The following PIK3CG variants were observed in gnomAD, a reference collection of about 807,000 sequenced individuals.
The protein encoded by PIK3CG is phosphatidylinositol 4,5-bisphosphate 3-kinase catalytic subunit gamma isoform.
Under a neutral mutation model 102.3 loss-of-function variants are expected in PIK3CG, and 55 were observed. That is an observed-to-expected ratio of 0.54 (90% confidence interval 0.43 to 0.67). The LOEUF is 0.67. Ranked by LOEUF, PIK3CG falls within the 30% of genes least tolerant of loss-of-function variation. The pLI is 0.00. For synonymous variants in PIK3CG, 552 were observed against 540.0 expected (o/e 1.02, Z -0.31); for missense variants, 1,258 against 1,391.8 (o/e 0.90, Z 1.53).
Position 106,867,437 on chromosome 7 carries a change from T to C in PIK3CG, c.-12-113T>C, listed in dbSNP as rs754927222. The C allele has an allele frequency of 3.0e-5, 29 of 955,898 alleles. No individual in the cohort carries two copies. Among genetic ancestry groups the C allele is most frequent in the Non-Finnish European group, 4.3e-5 (27 of 631,044 alleles). 59.2% of individuals were successfully genotyped at this position (955,898 alleles called of 1,614,324 possible). ...TCCAGTTTAAAATACTTGGTCCCTC[T>C]GGGTCCCTGTGCACATGTACGCCGC... On this transcript the variant is annotated intron_variant, in intron 1 of 10. Coordinates refer to ENST00000496166, the MANE Select transcript of PIK3CG (RefSeq NM_001282426.2). The surrounding 1 kb of genome is among the most constrained non-coding windows in gnomAD (Gnocchi z 5.1).
At position 106,894,726 on chromosome 7, in the gene PIK3CG, G is replaced by T. The variant is rs1460413438; in HGVS notation, c.3030+8434G>T. 6.6e-6 allele frequency among the ~76,000 whole-genome samples: 1 copy of T among 152,196 alleles called. No individual in the cohort carries two copies. The highest frequency in any genetic ancestry group is 6.5e-5 in the Admixed American group (1 of 15,280). On this transcript the variant is annotated intron_variant, in intron 10 of 10. Coordinates refer to ENST00000496166, the MANE Select transcript of PIK3CG (RefSeq NM_001282426.2). This position sits in a 1 kb window ranked among gnomAD's most constrained non-coding sequence, Gnocchi z 4.4. ...TACTATTTAGGAAAAGTAAGTGGAG[G>T]TTCCACTTCATTTCTAGATGAAAAT...
rs1791250611 is a variant in PIK3CG at position 106,891,060 on chromosome 7, C to A, written c.3030+4768C>A. Among the ~76,000 whole-genome samples, 1 of 152,220 alleles carries A rather than the reference C, an allele frequency of 6.6e-6. No homozygotes were observed. Among genetic ancestry groups the A allele is most frequent in the Non-Finnish European group, 1.5e-5 (1 of 68,042 alleles). On this transcript the variant is annotated intron_variant, in intron 10 of 10. Transcript: ENST00000496166. This position sits in a 1 kb window ranked among gnomAD's most constrained non-coding sequence, Gnocchi z 4.4. ...TGTACTGGTTTTCTGTTTGTCTTTC[C>A]CTATCCCAACTGTGAGCTCTGTGCA... is the stretch of plus-strand genomic sequence containing the variant.
Position 106,868,117 on chromosome 7 carries a change from G to A in PIK3CG, c.556G>A (p.Ala186Thr), listed in dbSNP as rs1415434072. 4.3e-6 allele frequency: 7 copies of A among 1,612,388 alleles called. No individual in the cohort carries two copies. The highest frequency in any genetic ancestry group is 1.3e-5 in the African/African-American group (1 of 74,666). ...TRRGLVTPRM[A>T]EVASRDPKLY... ...CCGTGGCTTGGTGACCCCGCGCATG[G>A]CGGAGGTGGCCAGCCGCGACCCCAA... The change falls in exon 2 of 11, where the codon GCG becomes ACG. Residue 186 changes from alanine (A) to threonine (T), a missense_variant. By Grantham distance (58) the Ala-to-Thr change is moderately conservative. Transcript: ENST00000496166. The surrounding 1 kb of genome is among the most constrained non-coding windows in gnomAD (Gnocchi z 6.2).
chr7:106,866,700 T>A (rs1790297130), intron 1 of PIK3CG, among the ~76,000 whole-genome samples: 1 of 152,386 alleles, frequency 6.6e-6, no homozygotes, highest in South Asian at 2.1e-4. Flanking sequence ...TCTTCTAAGA[T>A]ACTGCCCTAA....
In PIK3CG at chr7:106,883,128, C is replaced by G. The variant is rs1445560689; in HGVS notation, c.2725C>G (p.His909Asp). Residue 909 changes from histidine to aspartate, a missense_variant, in exon 8 of 11, where the codon CAC (histidine) becomes GAC (aspartate). This residue lies in a region of PIK3CG where 426 missense variants were observed against 604.2 expected (regional missense o/e 0.71). Transcript: ENST00000496166. This position sits in a 1 kb window ranked among gnomAD's most constrained non-coding sequence, Gnocchi z 5.8. ...AGCATTTAAAGATGAAGTCCTGAAT[C>G]ACTGGCTCAAAGAAAAATCCCCTAC... is the stretch of plus-strand genomic sequence containing the variant. Reference protein sequence around the residue: ...TGAFKDEVLNHWLKEKSPTEE... With the variant: ...TGAFKDEVLNDWLKEKSPTEE... The G allele has an allele frequency of 6.2e-7, 1 of 1,614,088 alleles. No homozygotes were observed. The highest frequency in any genetic ancestry group is 1.3e-5 in the African/African-American group (1 of 75,038).
rs1484673959 is a variant in PIK3CG, at chr7:106,892,888, T to G, written c.3030+6596T>G. 6.6e-6 allele frequency among the ~76,000 whole-genome samples: 1 copy of G among 152,156 alleles called. No individual in the cohort carries two copies. Among genetic ancestry groups the G allele is most frequent in the Non-Finnish European group, 1.5e-5 (1 of 68,046 alleles). ...AACAGCACGAGCAAGTGCATGAAGT[T>G]AGAAAAGTACATACAATCAGTATTT... On this transcript the variant is annotated intron_variant, in intron 10 of 10. Coordinates refer to ENST00000496166, the MANE Select transcript of PIK3CG (RefSeq NM_001282426.2). The surrounding 1 kb of genome is among the most constrained non-coding windows in gnomAD (Gnocchi z 5.2).
rs1584331497 is a variant in PIK3CG, at chr7:106,880,957, C to G, written c.2539-1160C>G. On this transcript the variant is annotated intron_variant, in intron 6 of 10. Coordinates refer to ENST00000496166, the MANE Select transcript of PIK3CG (RefSeq NM_001282426.2). The surrounding 1 kb of genome is among the most constrained non-coding windows in gnomAD (Gnocchi z 4.2). Reference sequence around the variant, plus strand: ...TCCCACACAACTTTCACAGTCTTCTCCTTTTCTTTCCCTTCCTCATAAGAA... The same window carrying G: ...TCCCACACAACTTTCACAGTCTTCTGCTTTTCTTTCCCTTCCTCATAAGAA... Among the ~76,000 whole-genome samples the G allele has an allele frequency of 6.6e-6, 1 of 152,088 alleles. No individual in the cohort carries two copies. The highest frequency in any genetic ancestry group is 6.6e-5 in the Admixed American group (1 of 15,266).
At chr7:106,887,590 A>G (rs1265620516) in intron 10 of PIK3CG, among the ~76,000 whole-genome samples, 1 of 152,154 alleles carries the variant, frequency 6.6e-6, no homozygotes. Context: ...AGAAACTGAG[A>G]TCTCTGTGGC....
In PIK3CG at chr7:106,902,582, A is replaced by G. The variant is rs1198805020; in HGVS notation, c.3031-2527A>G. On this transcript the variant is annotated intron_variant, in intron 10 of 10. Transcript: ENST00000496166. This position sits in a 1 kb window ranked among gnomAD's most constrained non-coding sequence, Gnocchi z 4.3. ...AGTCCAGTTTTTAGGTAAATTTTCC[A>G]TCTCATTTTAAGTTACTTTTTTTAA... Among the ~76,000 whole-genome samples, 1 of 149,714 alleles carries G rather than the reference A, an allele frequency of 6.7e-6. No individual in the cohort carries two copies. Among genetic ancestry groups the G allele is most frequent in the Non-Finnish European group, 1.5e-5 (1 of 67,610 alleles).
At chr7:106,901,171 C>G (rs977205819) in intron 10 of PIK3CG, among the ~76,000 whole-genome samples, 1 of 152,078 alleles carries the variant, frequency 6.6e-6, no homozygotes, top group South Asian at 2.1e-4. Flanking sequence ...GCTTTATCCT[C>G]CTCCCTTTCA....
Position 106,899,886 on chromosome 7 carries a change from G to A in PIK3CG, c.3031-5223G>A, listed in dbSNP as rs576483865. ...CTGCTCTCATAGAACGAGTTGGGGAGGAGTCCCTCCTCAATTTTTTAGAAT... is the reference window on the plus strand; with the variant it reads ...CTGCTCTCATAGAACGAGTTGGGGAAGAGTCCCTCCTCAATTTTTTAGAAT... On this transcript the variant is annotated intron_variant, in intron 10 of 10. Transcript: ENST00000496166. This position sits in a 1 kb window ranked among gnomAD's most constrained non-coding sequence, Gnocchi z 4.6. 6.6e-6 allele frequency among the ~76,000 whole-genome samples: 1 copy of A among 152,286 alleles called. No homozygotes were observed. Among genetic ancestry groups the A allele is most frequent in the East Asian group, 1.9e-4 (1 of 5,184 alleles).
rs1791320164 is a variant in PIK3CG, at chr7:106,893,518, G to C, written c.3030+7226G>C. Among the ~76,000 whole-genome samples the C allele has an allele frequency of 6.6e-6, 1 of 152,082 alleles. No individual in the cohort carries two copies. The highest frequency in any genetic ancestry group is 1.5e-5 in the Non-Finnish European group (1 of 68,010). ...TATTTAGTTTCTTTCAGAACATTTT[G>C]TCTAACATAGAATATTGTCAGGGAC... On this transcript the variant is annotated intron_variant, in intron 10 of 10. Transcript: ENST00000496166. The surrounding 1 kb of genome is among the most constrained non-coding windows in gnomAD (Gnocchi z 4.4).
rs1791661195 is a variant in PIK3CG, at chr7:106,905,369, A to G, written c.3291A>G (p.Gly1097=). Reference sequence around the variant, plus strand: ...ATCTTGTTCTTGGCATCAAACAAGGAGAGAAACATTCAGCCTAATACTTTA... The same window carrying G: ...ATCTTGTTCTTGGCATCAAACAAGGGGAGAAACATTCAGCCTAATACTTTA... ...FLHLVLGIKQ[G]EKHSA Residue 1097 remains glycine (G), a synonymous_variant, in exon 11 of 11, where the codon GGA becomes GGG. Transcript: ENST00000496166. The surrounding 1 kb of genome is among the most constrained non-coding windows in gnomAD (Gnocchi z 5.6). 1.9e-6 allele frequency: 3 copies of G among 1,613,746 alleles called. No homozygotes were observed. The African/African-American group carries it at 4.0e-5, about 22-fold the overall frequency.
intron 6 of PIK3CG, among the ~76,000 whole-genome samples, chr7:106,881,092 A>G (rs753390371): frequency 6.6e-6 from 1 of 152,166 alleles, no homozygotes; most frequent in Non-Finnish European, 1.5e-5. Context: ...CTAGCCCACA[A>G]TCTCCATTAG....
intron 7 of PIK3CG, 133 bp downstream of exon 7, chr7:106,882,340 G>C (rs1398168145): frequency 2.5e-6 from 1 of 402,986 alleles, no homozygotes; most frequent in African/African-American, 2.1e-5. Context: ...ACATTTCTAT[G>C]CTGGTGAATG....
At chr7:106,882,671 G>C (rs1263120976) in intron 7 of PIK3CG, 1 of 191,558 alleles carries the variant, frequency 5.2e-6, no homozygotes, top group Non-Finnish European at 1.1e-5. Flanking sequence ...TCTGATCTGA[G>C]AACTCTACAA....
rs749714535 is a variant in PIK3CG, at chr7:106,869,138, C to A, written c.1577C>A (p.Pro526Gln). The A allele has an allele frequency of 1.9e-6, 3 of 1,614,172 alleles. No homozygotes were observed. In the East Asian group the frequency reaches 6.7e-5, roughly 36 times the overall value. The part of the protein sequence containing the change: ...ISILLDNYCH[P>Q]IALPKHQPTP... ...ATTCTTCTGGACAATTACTGCCACC[C>A]GATAGCCCTGCCTAAGCATCAGCCC... The change falls in exon 2 of 11, where the codon CCG becomes CAG. Residue 526 changes from proline to glutamine, a missense_variant. Coordinates refer to ENST00000496166, the MANE Select transcript of PIK3CG (RefSeq NM_001282426.2). This position sits in a 1 kb window ranked among gnomAD's most constrained non-coding sequence, Gnocchi z 5.3.
chr7:106,887,211 C>T (rs1157719833), intron 10 of PIK3CG, among the ~76,000 whole-genome samples: 1 of 152,160 alleles, frequency 6.6e-6, no homozygotes, highest in African/African-American at 2.4e-5. Flanking sequence ...ACTTAATGAA[C>T]ATAATTCATA....
At position 106,908,681 on chromosome 7, in the gene PIK3CG, A is replaced by G. The variant is rs1288675492; in HGVS notation, c.*3294A>G. ...TCAGGTGATGAATTATTTTTTTAAA[A>G]AAGGTTACATATAGGAATTCTGCAG... On this transcript the variant is annotated 3_prime_UTR_variant, in exon 11 of 11. Transcript: ENST00000496166. The surrounding 1 kb of genome is among the most constrained non-coding windows in gnomAD (Gnocchi z 4.1). Among the ~76,000 whole-genome samples the G allele has an allele frequency of 6.6e-6, 1 of 152,188 alleles. No individual in the cohort carries two copies. The highest frequency in any genetic ancestry group is 1.9e-4 in the East Asian group (1 of 5,198).
Sources: allele counts gnomAD v4.1 joint callset (sites outside exome capture counted in the v4.1 genomes callset), GRCh38; gene constraint gnomAD v4.1.1; regional missense constraint gnomAD v4.1.1; non-coding constraint Gnocchi (gnomAD v3.1); transcripts MANE v1.5; gene names NCBI Gene and HGNC (gene_info 2026-07-23, HGNC 2026-07-21).